The following PTPA variants were observed in gnomAD, a reference collection of about 807,000 sequenced individuals.
PTPA encodes protein phosphatase 2 phosphatase activator, also known as serine/threonine-protein phosphatase 2A activator.
A neutral mutation model predicts 43.6 loss-of-function variants in PTPA; 13 were observed. That is an observed-to-expected ratio of 0.30 (90% CI 0.19 to 0.47). PTPA has a LOEUF of 0.47. Among genes scored for constraint, PTPA ranks in the 20% least tolerant of loss-of-function variants. PTPA has a pLI of 0.99. For missense variants in PTPA, 329 were observed against 411.9 expected (o/e 0.80, Z 1.74); for synonymous variants, 172 against 158.2 (o/e 1.09, Z -0.66).
At chr9:129,143,775 C>A (rs1851080227) in intron 9 of PTPA, 1 of 223,402 alleles carries the variant, frequency 4.5e-6, no homozygotes, top group Non-Finnish European at 9.2e-6. Flanking sequence ...TAGGTTCCTT[C>A]CGGCTGCAGC....
At chr9:129,111,016 C>T (rs959179386), upstream of PTPA, 22 of 1,370,288 alleles carry the variant, frequency 1.6e-5, no homozygotes, top group African/African-American at 4.4e-5. Flanking sequence ...CCCCACATGT[C>T]TTCTAAGCTG....
rs142067473 is a variant in PTPA, at chr9:129,116,384, C to CTTT, written c.32-4111_32-4109dup. 1.2e-3 allele frequency among the ~76,000 whole-genome samples: 127 copies of CTTT among 107,678 alleles called. 7 individuals carry two copies. The highest frequency in any genetic ancestry group is 3.6e-3 in the African/African-American group (85 of 23,356). The allele number at this position is 107,678 out of a possible 152,430, so 70.6% of individuals were successfully genotyped here. On this transcript the variant is annotated intron_variant, in intron 1 of 9. Coordinates refer to ENST00000393370, the MANE Select transcript of PTPA (RefSeq NM_178000.3). ...TGTATTTTTAGTAGAGACAGGGTTT[C>CTTT]TTTTTTTTTTTTTTTTTTTTGAGAC...
intron 9 of PTPA, among the ~76,000 whole-genome samples, chr9:129,144,247 C>T (rs1403436434): frequency 6.6e-6 from 1 of 151,870 alleles, no homozygotes; most frequent in Non-Finnish European, 1.5e-5. Context: ...GTCCACTCTG[C>T]ACAGGCTGTC....
intron 3 of PTPA, among the ~76,000 whole-genome samples, chr9:129,126,446 C>A (rs1259229425): frequency 6.6e-6 from 1 of 152,068 alleles, no homozygotes; most frequent in African/African-American, 2.4e-5. Context: ...TCCGTAAGTG[C>A]TGGGATTACA....
chr9:129,138,046 A>G, intron 8 of PTPA: 2 of 352,248 alleles, frequency 5.7e-6, no homozygotes, highest in South Asian at 4.7e-5. Context: ...GTGGGGCCCC[A>G]CAAGGGTCTG....
intron 9 of PTPA, chr9:129,143,067 G>C (rs1310929665): frequency 1.4e-6 from 1 of 736,232 alleles, no homozygotes; most frequent in African/African-American, 1.8e-5. Flanking sequence ...GATGCAAATG[G>C]TTTTCCCTGC....
rs567214240 is a variant in PTPA at position 129,116,294 on chromosome 9, C to G, written c.32-4219C>G. Among the ~76,000 whole-genome samples the G allele has an allele frequency of 9.9e-5, 15 of 152,050 alleles. No individual in the cohort carries two copies. In the East Asian group the frequency reaches 2.5e-3, roughly 25 times the overall value. The stretch of plus-strand genomic sequence containing the variant: ...CTGCCTCCTGGGTTCACGCCATTCT[C>G]TCACCTCAGCCTCCCAAGTAGCTGG... On this transcript the variant is annotated intron_variant, in intron 1 of 9. Transcript: ENST00000393370.
chr9:129,142,417 T>TC, intron 8 of PTPA, 28 bp from the exon 9 acceptor site: 1 of 1,544,348 alleles, frequency 6.5e-7, no homozygotes, highest in Non-Finnish European at 8.8e-7. Context: ...AGAACCTGTC[T>TC]CTTCAGCTTG....
intron 9 of PTPA, 31 bp downstream of exon 9, chr9:129,142,583 C>T (rs1454424504): frequency 5.0e-6 from 8 of 1,613,170 alleles, no homozygotes; most frequent in Middle Eastern, 1.6e-4. Flanking sequence ...GTGCCCGTCC[C>T]TGCTGCCGCA....
At position 129,147,587 on chromosome 9, in the gene PTPA, G is replaced by C; in HGVS notation, c.*123G>C. On this transcript the variant is annotated 3_prime_UTR_variant, in exon 10 of 10. Transcript: ENST00000393370. ...CGTTTGATGAGAGGCTGTTTACTGG[G>C]GTGGGGTGGCGAGATGGGCTTGAGG... 4 of 1,111,376 alleles carry C rather than the reference G, an allele frequency of 3.6e-6. No individual in the cohort carries two copies. The highest frequency in any genetic ancestry group is 5.2e-6 in the Non-Finnish European group (4 of 770,896). The allele number at this position is 1,111,376 out of a possible 1,614,324, so 68.8% of individuals were successfully genotyped here. A position where few individuals can be genotyped will look rare whatever the true frequency, so the allele number is the denominator to read the frequency against.
intron 8 of PTPA, among the ~76,000 whole-genome samples, chr9:129,140,478 G>A (rs914097566): frequency 4.0e-4 from 61 of 152,348 alleles, no homozygotes; most frequent in African/African-American, 1.5e-3. Context: ...GGCCACTGGA[G>A]CTCCAGGACA....
intron 4 of PTPA, among the ~76,000 whole-genome samples, chr9:129,130,950 G>A (rs1000525200): frequency 6.6e-5 from 10 of 152,158 alleles, no homozygotes; most frequent in African/African-American, 2.4e-4. Context: ...TTTGCTCAAT[G>A]TCATGTCTGA....
intron 1 of PTPA, chr9:129,111,844 G>T: frequency 8.4e-7 from 1 of 1,192,780 alleles, no homozygotes; most frequent in Non-Finnish European, 1.0e-6. Context: ...AAGGGGTGGT[G>T]ATTGGGGCGC....
chr9:129,122,828 G>A (rs1849336217), intron 2 of PTPA, among the ~76,000 whole-genome samples: 1 of 152,224 alleles, frequency 6.6e-6, no homozygotes, highest in African/African-American at 2.4e-5. Context: ...CACTCTGGCT[G>A]GAGATCAGCG....
At chr9:129,120,419 C>G in intron 1 of PTPA, 94 bp from the exon 2 acceptor site, 3 of 916,012 alleles carry the variant, frequency 3.3e-6, no homozygotes, top group African/African-American at 3.9e-5. Context: ...AGCAAAACTC[C>G]GTCTCAAGAA....
At chr9:129,137,557 T>C (rs1173215764) in intron 7 of PTPA, 35 bp from the exon 8 acceptor site, 1 of 1,549,494 alleles carries the variant, frequency 6.5e-7, no homozygotes, top group Non-Finnish European at 8.8e-7. Context: ...TCGTGGGGCC[T>C]GGTTCTGAAT....
Position 129,147,455 on chromosome 9 carries a change from G to A in PTPA, c.963G>A (p.Thr321=), listed in dbSNP as rs761634686. 6.9e-5 allele frequency: 112 copies of A among 1,613,658 alleles called. No homozygotes were observed. Among genetic ancestry groups the A allele is most frequent in the Admixed American group, 1.7e-4 (10 of 60,006 alleles). ...GCCTGCTGCCCATCCATCCTGTCAC[G>A]TCGGGCTAGGAGGGGCCAAGCCGAA... ...FGSLLPIHPV[T]SG Residue 321 remains threonine, a synonymous_variant, in exon 10 of 10, where the codon ACG becomes ACA. Transcript: ENST00000393370.
At chr9:129,124,267 C>A (rs1279079672) in intron 3 of PTPA, among the ~76,000 whole-genome samples, 1 of 152,080 alleles carries the variant, frequency 6.6e-6, no homozygotes, top group Non-Finnish European at 1.5e-5. Context: ...TGGTCTTGAA[C>A]TCCTGGGCTC....
rs746957818 is a variant in PTPA at position 129,137,698 on chromosome 9, G to T, written c.786+6G>T. 4.4e-6 allele frequency: 7 copies of T among 1,585,290 alleles called. No individual in the cohort carries two copies. The highest frequency in any genetic ancestry group is 6.0e-6 in the Non-Finnish European group (7 of 1,160,470). Reference sequence around the variant, plus strand: ...GTATCCTGTTTATTACCGAGGTGAGGAGGAGGGGTGAGAGAGAAGCCCATG... The same window carrying T: ...GTATCCTGTTTATTACCGAGGTGAGTAGGAGGGGTGAGAGAGAAGCCCATG... On this transcript the variant is annotated splice_donor_region_variant and intron_variant, in intron 8 of 9. Transcript: ENST00000393370.
Sources: allele counts gnomAD v4.1 joint callset (sites outside exome capture counted in the v4.1 genomes callset), GRCh38; gene constraint gnomAD v4.1.1; transcripts MANE v1.5; gene names NCBI Gene and HGNC (gene_info 2026-07-23, HGNC 2026-07-21).